The following EXOC4 variants were observed in gnomAD, a reference collection of about 807,000 sequenced individuals.
EXOC4 encodes the protein SEC8-like 1.
EXOC4 carries 71 observed loss-of-function variants against 107.2 expected under a neutral mutation model. The ratio of observed to expected loss-of-function variants is 0.66; its 90% CI spans 0.55 to 0.81. The LOEUF (loss-of-function observed/expected upper bound fraction) is 0.81, where lower values mean the gene tolerates loss of function less well. EXOC4 is among the 30% of genes least tolerant of loss of function. The pLI, the probability that EXOC4 is intolerant of heterozygous loss-of-function variation, is 0.00. For synonymous variants in EXOC4, 456 were observed against 441.2 expected, an observed-to-expected ratio of 1.03 and a Z score of -0.42; for missense variants, 1,108 against 1,189.6, an observed-to-expected ratio of 0.93 and a Z score of 1.01.
intron 7 of EXOC4, among the ~76,000 whole-genome samples, chr7:133,408,989 A>G (rs533264734): frequency 6.6e-6 from 1 of 152,280 alleles, no homozygotes; most frequent in Admixed American, 6.5e-5. Flanking sequence ...TTATATAAAC[A>G]ATTTTCTCTT....
At chr7:133,586,633 A>G (rs1440858027) in intron 9 of EXOC4, among the ~76,000 whole-genome samples, 1 of 152,148 alleles carries the variant, frequency 6.6e-6, no homozygotes, top group Non-Finnish European at 1.5e-5. Context: ...TCGGGTATAT[A>G]CCCAATAATG....
At chr7:134,012,673 A>G (rs1340492312) in intron 17 of EXOC4, among the ~76,000 whole-genome samples, 5 of 152,166 alleles carry the variant, frequency 3.3e-5, no homozygotes, top group African/African-American at 1.2e-4. Flanking sequence ...AGTCATCAGC[A>G]TATAGGTGGG....
chr7:133,420,762 G>A (rs1386994352), intron 7 of EXOC4, among the ~76,000 whole-genome samples: 3 of 151,854 alleles, frequency 2.0e-5, no homozygotes, highest in African/African-American at 7.3e-5. Context: ...TGATTTAGAG[G>A]GAGAAGAAAG....
rs1047981696 is a variant in EXOC4 at position 133,575,605 on chromosome 7, C to G, written c.1418-54440C>G. Among the ~76,000 whole-genome samples, 7 of 152,052 alleles carry G rather than the reference C, an allele frequency of 4.6e-5. No individual in the cohort carries two copies. In the East Asian group the frequency reaches 1.3e-3, roughly 29 times the overall value. On this transcript the variant is annotated intron_variant, in intron 9 of 17. Transcript: ENST00000253861. ...ATCTGGTATGTGGCATGTTCATTGT[C>G]CGAAGAGAACCAGTTCTGGTAATGA...
At chr7:133,693,746 C>T (rs976711106) in intron 10 of EXOC4, among the ~76,000 whole-genome samples, 1 of 151,734 alleles carries the variant, frequency 6.6e-6, no homozygotes, top group Non-Finnish European at 1.5e-5. Context: ...CCTCCGTAGT[C>T]CCTGGCAGAG....
intron 14 of EXOC4, among the ~76,000 whole-genome samples, chr7:133,941,230 C>T (rs1393793693): frequency 6.6e-6 from 1 of 152,042 alleles, no homozygotes; most frequent in African/African-American, 2.4e-5. Flanking sequence ...AACTCCTGAT[C>T]TCGTGATCCG....
intron 11 of EXOC4, among the ~76,000 whole-genome samples, chr7:133,827,300 A>T (rs141950882): frequency 5.3e-4 from 81 of 152,258 alleles, no homozygotes; most frequent in African/African-American, 1.9e-3. Flanking sequence ...CAGGCCCATT[A>T]TATGATCAAA....
At chr7:133,819,017 C>T (rs982572369) in intron 11 of EXOC4, among the ~76,000 whole-genome samples, 1 of 152,126 alleles carries the variant, frequency 6.6e-6, no homozygotes, top group African/African-American at 2.4e-5. Flanking sequence ...TCCCCTTCCT[C>T]TTCACTTTGG....
Position 133,917,699 on chromosome 7 carries a change from A to T in EXOC4, c.1988A>T (p.Gln663Leu), listed in dbSNP as rs1326029523. Reference sequence around the variant, plus strand: ...TGGATGAATATGGCTCAACCCAAACAGCTGAGGCCAAAAAGAGAGGAGGAA... The same window carrying T: ...TGGATGAATATGGCTCAACCCAAACTGCTGAGGCCAAAAAGAGAGGAGGAA... ...PNWMNMAQPKQLRPKREEEED... is the reference protein window; with the variant it reads ...PNWMNMAQPKLLRPKREEEED... Residue 663 changes from glutamine to leucine, a missense_variant, in exon 13 of 18, where the codon CAG becomes CTG. Transcript: ENST00000253861. 6.2e-7 allele frequency: 1 copy of T among 1,614,012 alleles called. No homozygotes were observed. The highest frequency in any genetic ancestry group is 1.3e-5 in the African/African-American group (1 of 74,932).
At chr7:133,961,280 C>CTTTTTTTTTTTTTTTTTTTTTTTTTTTTT (rs34400471) in intron 14 of EXOC4, among the ~76,000 whole-genome samples, 1 of 77,010 alleles carries the variant, frequency 1.3e-5, no homozygotes, top group Non-Finnish European at 2.2e-5. Context: ...TCATGTCAAA[C>CTTTTTTTTTTTTTTTTTTTTTTTTTTTTT]TTTTTTTTTT....
chr7:133,944,806 C>T (rs1800511429), intron 14 of EXOC4, among the ~76,000 whole-genome samples: 1 of 152,218 alleles, frequency 6.6e-6, no homozygotes, highest in South Asian at 2.1e-4. Context: ...ATACCTTGAG[C>T]CACTTGACTA....
intron 9 of EXOC4, among the ~76,000 whole-genome samples, chr7:133,516,934 A>C (rs545210893): frequency 2.8e-4 from 43 of 151,780 alleles, no homozygotes; most frequent in African/African-American, 1.0e-3. Context: ...AGTAAATGTA[A>C]ATATACCATT....
At chr7:133,530,294 A>G (rs1007069438) in intron 9 of EXOC4, among the ~76,000 whole-genome samples, 3 of 152,188 alleles carry the variant, frequency 2.0e-5, no homozygotes, top group African/African-American at 7.2e-5. Context: ...GCATCACTTA[A>G]TGATGGAGAC....
At chr7:134,079,509 C>T in the EXOC4 span, among the ~76,000 whole-genome samples, 7,803 of 152,224 alleles carry the variant, frequency 0.051, 290 homozygotes, top group South Asian at 0.15. Flanking sequence ...CCCTTTTATG[C>T]TGATTAACCA....
chr7:133,983,395 A>C (rs566467883), intron 14 of EXOC4, among the ~76,000 whole-genome samples: 4 of 152,334 alleles, frequency 2.6e-5, no homozygotes, highest in East Asian at 3.9e-4. Flanking sequence ...AAACCCATGA[A>C]ATAAAGCAAC....
At chr7:133,753,104 C>T (rs1349244421) in intron 10 of EXOC4, among the ~76,000 whole-genome samples, 1 of 152,192 alleles carries the variant, frequency 6.6e-6, no homozygotes, top group Admixed American at 6.5e-5. Flanking sequence ...TATTGACCAA[C>T]TCTTTTAAAG....
At chr7:133,793,258 T>C (rs1227719899) in intron 10 of EXOC4, among the ~76,000 whole-genome samples, 1 of 152,252 alleles carries the variant, frequency 6.6e-6, no homozygotes, top group East Asian at 1.9e-4. Context: ...GCAATAGTAC[T>C]CTGTTAATCT....
chr7:133,844,378 C>CT (rs761535651), intron 11 of EXOC4, among the ~76,000 whole-genome samples: 5,756 of 83,288 alleles, frequency 0.069, 1,498 homozygotes, highest in Non-Finnish European at 0.085. Flanking sequence ...CCACATATTC[C>CT]TTTTTTTTTT....
chr7:133,911,545 G>T (rs915234203), intron 12 of EXOC4, among the ~76,000 whole-genome samples: 1 of 152,120 alleles, frequency 6.6e-6, no homozygotes, highest in African/African-American at 2.4e-5. Flanking sequence ...AATAAAATGG[G>T]ATCGATGCAT....
Sources: gnomAD v4.1 joint callset for allele counts (sites outside exome capture counted in the v4.1 genomes callset) on GRCh38, gnomAD v4.1.1 for gene constraint, MANE v1.5 for transcripts, NCBI Gene and HGNC (gene_info 2026-07-23, HGNC 2026-07-21) for gene names.